ALPK1: variants seen among roughly 807,000 people sequenced by gnomAD.
ALPK1 encodes the protein alpha-protein kinase 1.
ALPK1 carries 110 observed loss-of-function variants against 120.6 expected under a neutral mutation model. That is an observed-to-expected ratio of 0.91 (90% confidence interval 0.78 to 1.07). The LOEUF (loss-of-function observed/expected upper bound fraction) is 1.07. Among genes scored for constraint, ALPK1 ranks in the 50% least tolerant of loss-of-function variants. The pLI is 0.00. For synonymous variants in ALPK1, 582 were observed against 560.3 expected (o/e 1.04, Z -0.55); for missense variants, 1,498 against 1,483.9 (o/e 1.01, Z -0.16).
intron 2 of ALPK1, among the ~76,000 whole-genome samples, chr4:112,373,129 A>G (rs1247686956): frequency 6.6e-6 from 1 of 152,212 alleles, no homozygotes; most frequent in Non-Finnish European, 1.5e-5. Flanking sequence ...AAACCACCAA[A>G]TGTATATTTT....
chr4:112,420,858 A>G (rs2148755637), intron 5 of ALPK1, among the ~76,000 whole-genome samples: 1 of 152,292 alleles, frequency 6.6e-6, no homozygotes, highest in African/African-American at 2.4e-5. Context: ...AGAGAGAGAG[A>G]GAGAGACTCT....
At chr4:112,347,554 G>A (rs1049201359) in intron 2 of ALPK1, among the ~76,000 whole-genome samples, 3 of 152,168 alleles carry the variant, frequency 2.0e-5, no homozygotes, top group Non-Finnish European at 4.4e-5. Flanking sequence ...CTCATCCTGT[G>A]GGTCAGAATG....
At chr4:112,384,883 C>T (rs1448318450) in intron 4 of ALPK1, 1 of 152,240 alleles carries the variant, frequency 6.6e-6, no homozygotes, top group Non-Finnish European at 1.5e-5. Flanking sequence ...GTTGCTTAGA[C>T]TGGAGCCCTT....
At chr4:112,385,109 C>T (rs529880161) in intron 4 of ALPK1, among the ~76,000 whole-genome samples, 1 of 152,204 alleles carries the variant, frequency 6.6e-6, no homozygotes, top group South Asian at 2.1e-4. Flanking sequence ...GGGTTTACTC[C>T]CCTTGTTCCA....
chr4:112,355,423 G>A (rs941152210), intron 2 of ALPK1, among the ~76,000 whole-genome samples: 10 of 152,274 alleles, frequency 6.6e-5, no homozygotes, highest in African/African-American at 2.4e-4. Flanking sequence ...GAGGAAGAAG[G>A]AGGAGGTCAG....
chr4:112,367,038 G>A (rs751617966), intron 2 of ALPK1, among the ~76,000 whole-genome samples: 8 of 152,194 alleles, frequency 5.3e-5, no homozygotes, highest in Non-Finnish European at 1.2e-4. Context: ...GGACTTTGAG[G>A]ACTCAGGGGA....
chr4:112,351,287 G>A (rs1367367399), intron 2 of ALPK1, among the ~76,000 whole-genome samples: 1 of 152,140 alleles, frequency 6.6e-6, no homozygotes, highest in Non-Finnish European at 1.5e-5. Context: ...ACTGGACAGA[G>A]GAGGGTGGGA....
intron 4 of ALPK1, among the ~76,000 whole-genome samples, chr4:112,399,768 G>A (rs779458298): frequency 6.6e-6 from 1 of 151,890 alleles, no homozygotes; most frequent in Non-Finnish European, 1.5e-5. Context: ...CCCTCTACAG[G>A]CCCCGGTGTG....
chr4:112,356,860 G>C, intron 2 of ALPK1: 1 of 736,364 alleles, frequency 1.4e-6, no homozygotes, highest in Non-Finnish European at 2.5e-6. Context: ...ACCTTAAGGG[G>C]ACGGTCGTGA....
rs189981438 is a variant in ALPK1 at position 112,380,784 on chromosome 4, G to A, written c.122-1614G>A. ...ACTGGTCTTTCACCCATCATGATGT[G>A]ACTTATAAAAATGATGAGACATGAT... On this transcript the variant is annotated intron_variant, in intron 3 of 15. Transcript: ENST00000650871. Among the ~76,000 whole-genome samples, 348 of 152,266 alleles carry A rather than the reference G, an allele frequency of 2.3e-3. 1 individual carries two copies. The highest frequency in any genetic ancestry group is 3.7e-3 in the Non-Finnish European group (250 of 68,036).
chr4:112,382,702 A>G (rs1317757809), intron 4 of ALPK1, 150 bp downstream of exon 4: 2 of 1,117,858 alleles, frequency 1.8e-6, no homozygotes, highest in Non-Finnish European at 2.6e-6. Context: ...TGAGGGAAAT[A>G]GCTGTTTGAA....
intron 1 of ALPK1, among the ~76,000 whole-genome samples, chr4:112,306,442 A>G (rs1028117661): frequency 6.6e-6 from 1 of 152,130 alleles, no homozygotes; most frequent in African/African-American, 2.4e-5. Context: ...TTATTGGTCA[A>G]TTCAGGGATT....
At chr4:112,433,672 C>T (rs1734672061) in intron 11 of ALPK1, among the ~76,000 whole-genome samples, 1 of 152,032 alleles carries the variant, frequency 6.6e-6, no homozygotes, top group Admixed American at 6.6e-5. Context: ...TCTCTTAGCC[C>T]AGGAATCACA....
intron 1 of ALPK1, among the ~76,000 whole-genome samples, chr4:112,306,492 C>T (rs1196058808): frequency 2.0e-5 from 3 of 152,064 alleles, no homozygotes; most frequent in Admixed American, 6.5e-5. Flanking sequence ...GTGTATGTGT[C>T]GAGGAATTTA....
Position 112,432,412 on chromosome 4 carries a change from G to A in ALPK1, c.2865G>A (p.Gly955=). 2 of 1,614,178 alleles carry A rather than the reference G, an allele frequency of 1.2e-6. No individual in the cohort carries two copies. Among genetic ancestry groups the A allele is most frequent in the Non-Finnish European group, 1.7e-6 (2 of 1,180,038 alleles). ...CTTGGTCCTATCTGAATTCCAGTGG[G>A]AGTTCTTGGGTTTCATTGCCGGGAA... ...DSPWSYLNSS[G]SSWVSLPGKM... is the part of the protein sequence containing the mutation. The change falls in exon 11 of 16, where the codon GGG becomes GGA. Residue 955 remains glycine, a synonymous_variant. Coordinates refer to ENST00000650871, the MANE Select transcript of ALPK1 (RefSeq NM_025144.4).
At chr4:112,439,943 C>T (rs1734961744) in intron 14 of ALPK1, 71 bp downstream of exon 14, 3 of 1,285,466 alleles carry the variant, frequency 2.3e-6, no homozygotes, top group South Asian at 3.0e-5. Context: ...ACTAGCTTCC[C>T]TAATCTTTAC....
rs770522443 is a variant in ALPK1, at chr4:112,377,874, A to G, written c.97A>G (p.Lys33Glu). The change falls in exon 3 of 16, where the codon AAG becomes GAG. Residue 33 changes from lysine (K) to glutamate (E), a missense_variant. Physicochemically the swap from Lys to Glu is moderately conservative, Grantham distance 56 (BLOSUM62 1). Transcript: ENST00000650871. Reference protein sequence around the residue: ...LEAPDVSEEDKSEDQRCRALL... With the variant: ...LEAPDVSEEDESEDQRCRALL... ...AGCGCCAGATGTGTCGGAAGAGGAC[A>G]AGAGCGAGGACCAGCGCTGCAGAGG... The G allele has an allele frequency of 6.8e-6, 11 of 1,613,080 alleles. No individual in the cohort carries two copies. The highest frequency in any genetic ancestry group is 7.6e-6 in the Non-Finnish European group (9 of 1,179,456).
intron 5 of ALPK1, among the ~76,000 whole-genome samples, chr4:112,420,467 AG>A (rs1733939588): frequency 1.3e-5 from 2 of 152,222 alleles, no homozygotes; most frequent in Admixed American, 6.5e-5. Flanking sequence ...TATCCTCTGA[AG>A]TAGGTTTAGG....
Position 112,431,926 on chromosome 4 carries a change from A to G in ALPK1, c.2379A>G (p.Glu793=), listed in dbSNP as rs1560687345. ...SWVDPEGETA[E]STEDAPLDFH... ...TTGACCCAGAAGGAGAAACAGCAGA[A>G]AGCACTGAAGATGCACCCTTAGACT... The change falls in exon 11 of 16, where the codon GAA becomes GAG. Residue 793 remains glutamate (E), a synonymous_variant. Transcript: ENST00000650871. 1 of 1,614,086 alleles carries G rather than the reference A, an allele frequency of 6.2e-7. No individual in the cohort carries two copies. Among genetic ancestry groups the G allele is most frequent in the Non-Finnish European group, 8.5e-7 (1 of 1,180,044 alleles).
Sources: gnomAD v4.1 joint callset for allele counts (sites outside exome capture counted in the v4.1 genomes callset) on GRCh38, gnomAD v4.1.1 for gene constraint, MANE v1.5 for transcripts, NCBI Gene and HGNC (gene_info 2026-07-23, HGNC 2026-07-21) for gene names.